Variants in FAM20A observed in about 807,000 individuals in gnomAD.
FAM20A encodes pseudokinase FAM20A.
FAM20A carries 42 observed loss-of-function variants against 52.0 expected under a neutral mutation model. That is an observed-to-expected ratio of 0.81 (90% confidence interval 0.63 to 1.04). The LOEUF (loss-of-function observed/expected upper bound fraction) is 1.04. FAM20A is among the 50% of genes least tolerant of loss of function. The pLI, the probability that FAM20A is intolerant of heterozygous loss-of-function variation, is 0.00. For synonymous variants in FAM20A, 304 were observed against 298.9 expected (o/e 1.02, Z -0.18); for missense variants, 742 against 712.7 (o/e 1.04, Z -0.47).
chr17:68,554,055 C>CACAT lies in FAM20A; in HGVS notation c.640+718_640+721dup, dbSNP rs1343041147. 3.7e-4 allele frequency among the ~76,000 whole-genome samples: 47 copies of CACAT among 128,188 alleles called. 1 individual carries two copies. The highest frequency in any genetic ancestry group is 1.6e-3 in the African/African-American group (40 of 25,364). 84.1% of individuals were successfully genotyped at this position (128,188 alleles called of 152,430 possible). On this transcript the variant is annotated intron_variant, in intron 3 of 10. Coordinates refer to ENST00000592554, the MANE Select transcript of FAM20A (RefSeq NM_017565.4). ...ACACACATGCATATATACACATATA[C>CACAT]ACATATACACACATATACACACATA...
intron 1 of FAM20A, among the ~76,000 whole-genome samples, chr17:68,597,285 T>TTGGCTTATTTTATTCTC (rs1317128488): frequency 6.6e-6 from 1 of 152,080 alleles, no homozygotes; most frequent in Non-Finnish European, 1.5e-5. Flanking sequence ...GAACACTGAT[T>TTGGCTTATTTTATTCTC]TGGCTTATTT....
intron 4 of FAM20A, among the ~76,000 whole-genome samples, chr17:68,550,897 T>A (rs542852176): frequency 6.6e-6 from 1 of 152,348 alleles, no homozygotes; most frequent in African/African-American, 2.4e-5. Flanking sequence ...AAACTCTTTA[T>A]TCGGTGCTTA....
intron 1 of FAM20A, among the ~76,000 whole-genome samples, chr17:68,598,983 T>G (rs1424751090): frequency 6.6e-6 from 1 of 152,234 alleles, no homozygotes; most frequent in Non-Finnish European, 1.5e-5. Flanking sequence ...CTTTTATTAC[T>G]GCACACAGTT....
At chr17:68,539,844 T>C in intron 9 of FAM20A, 41 bp downstream of exon 9, 1 of 1,594,650 alleles carries the variant, frequency 6.3e-7, no homozygotes. Flanking sequence ...GAGCAGCACA[T>C]CTGGGAGAGG....
At chr17:68,547,807 C>T (rs942719424) in intron 4 of FAM20A, among the ~76,000 whole-genome samples, 6 of 152,200 alleles carry the variant, frequency 3.9e-5, no homozygotes, top group East Asian at 3.8e-4. Context: ...AGTGGAGCAG[C>T]GCTTTTAGCT....
chr17:68,558,341 G>A, intron 1 of FAM20A: 2 of 444,788 alleles, frequency 4.5e-6, no homozygotes, highest in Non-Finnish European at 9.0e-6. Context: ...ATCAGATATG[G>A]TTTGGATGTT....
chr17:68,581,096 C>T lies in FAM20A; in HGVS notation c.404+19167G>A, dbSNP rs2087931500. On this transcript the variant is annotated intron_variant, in intron 1 of 10. Coordinates refer to ENST00000592554, the MANE Select transcript of FAM20A (RefSeq NM_017565.4). ...TGGATAACTTTTAAAACGTCTGATG[C>T]TTATTGCCAACTTGCCCTCCAGAAA... Among the ~76,000 whole-genome samples, 5 of 152,180 alleles carry T rather than the reference C, an allele frequency of 3.3e-5. No homozygotes were observed. In the South Asian group the frequency reaches 1.0e-3, roughly 31 times the overall value.
rs376199570 is a variant in FAM20A, at chr17:68,586,263, A to G, written c.404+14000T>C. On this transcript the variant is annotated intron_variant, in intron 1 of 10. Transcript: ENST00000592554. ...ATAAAGATATAGGTATAGATAATCTACTAGATAATCTTTTATCTAAAAGAT... is the reference window on the plus strand; with the variant it reads ...ATAAAGATATAGGTATAGATAATCTGCTAGATAATCTTTTATCTAAAAGAT... Among the ~76,000 whole-genome samples, 11 of 152,240 alleles carry G rather than the reference A, an allele frequency of 7.2e-5. No homozygotes were observed. The South Asian group carries it at 2.1e-3, about 29-fold the overall frequency.
At chr17:68,541,138 G>A (rs1287746682) in intron 7 of FAM20A, 180 bp from the exon 8 acceptor site, 7 of 807,560 alleles carry the variant, frequency 8.7e-6, no homozygotes, top group African/African-American at 6.9e-5. Flanking sequence ...TATTCCGTGT[G>A]GTGAGAAGGT....
chr17:68,536,161 C>G lies in FAM20A; in HGVS notation c.*1316G>C. ...GTGTTATTTGTCCAGTCGAGGCTAT[C>G]TTTGCTCACACTGCAGAAAGCTTGG... On this transcript the variant is annotated 3_prime_UTR_variant, in exon 11 of 11. Coordinates refer to ENST00000592554, the MANE Select transcript of FAM20A (RefSeq NM_017565.4). The G allele has an allele frequency of 2.2e-6, 1 of 454,108 alleles. No homozygotes were observed. Among genetic ancestry groups the G allele is most frequent in the South Asian group, 1.6e-5 (1 of 64,480 alleles). The allele number at this position is 454,108 out of a possible 1,614,324, so 28.1% of individuals were successfully genotyped here. A position where few individuals can be genotyped will look rare whatever the true frequency, so the allele number is the denominator to read the frequency against.
chr17:68,541,833 C>G, intron 7 of FAM20A, 152 bp downstream of exon 7: 1 of 908,740 alleles, frequency 1.1e-6, no homozygotes, highest in South Asian at 1.7e-5. Flanking sequence ...AGAACAGACC[C>G]AGGCCTGCTG....
Position 68,537,727 on chromosome 17 carries a change from GTTTTC to G in FAM20A, c.1371_1375del (p.Lys457AsnfsTer12), listed in dbSNP as rs1276298347. The G allele has an allele frequency of 6.2e-7, 1 of 1,611,892 alleles. No homozygotes were observed. The highest frequency in any genetic ancestry group is 8.5e-7 in the Non-Finnish European group (1 of 1,178,940). On this transcript the variant is annotated frameshift_variant, in exon 11 of 11. Transcript: ENST00000592554. LOFTEE classifies it low-confidence loss of function (END_TRUNC). The surrounding 1 kb of genome is among the most constrained non-coding windows in gnomAD (Gnocchi z 4.2). Reference sequence around the variant, plus strand: ...GGCCAGCAGCTGCAGGTGCAAAAGTGTTTTCTTTTTTATCCTGAAAAGACAAAGTT... The same window carrying G: ...GGCCAGCAGCTGCAGGTGCAAAAGTGTTTTTTATCCTGAAAAGACAAAGTT...
At chr17:68,577,311 G>T (rs2087800864) in intron 1 of FAM20A, among the ~76,000 whole-genome samples, 1 of 152,250 alleles carries the variant, frequency 6.6e-6, no homozygotes, top group Admixed American at 6.5e-5. Flanking sequence ...AAATATTAAA[G>T]CTGGACTGCG....
intron 1 of FAM20A, among the ~76,000 whole-genome samples, chr17:68,595,085 T>C (rs746781102): frequency 2.3e-4 from 35 of 152,262 alleles, no homozygotes; most frequent in African/African-American, 7.0e-4. Flanking sequence ...AATAAGTGTA[T>C]GTAATGTGCC....
chr17:68,542,782 T>C lies in FAM20A; in HGVS notation c.840A>G (p.Pro280=). ...TGACATTTACTATCCTCCCCACTGT[T>C]GGCGGCACCCGTCGGAAGTCCAGAA... ...DRILDFRRVP[P]TVGRIVNVTK... The change falls in exon 6 of 11, where the codon CCA becomes CCG. Residue 280 remains proline, a synonymous_variant. Coordinates refer to ENST00000592554, the MANE Select transcript of FAM20A (RefSeq NM_017565.4). The C allele has an allele frequency of 1.9e-6, 3 of 1,614,154 alleles. No homozygotes were observed. The highest frequency in any genetic ancestry group is 2.5e-6 in the Non-Finnish European group (3 of 1,179,996).
Position 68,535,660 on chromosome 17 carries a change from T to TA in FAM20A, c.*1816dup, listed in dbSNP as rs754252287. 110 of 447,534 alleles carry TA rather than the reference T, an allele frequency of 2.5e-4. No homozygotes were observed. The highest frequency in any genetic ancestry group is 1.7e-3 in the African/African-American group (86 of 49,226). The allele number at this position is 447,534 out of a possible 1,614,324, so 27.7% of individuals were successfully genotyped here. On this transcript the variant is annotated 3_prime_UTR_variant, in exon 11 of 11. Transcript: ENST00000592554. ...AGGTTTCTCTGTTAAAGAGTTGATT[T>TA]AAAAAAAAATTTTTTTTTTTTTGTA...
At chr17:68,580,290 G>T (rs1460132774) in intron 1 of FAM20A, among the ~76,000 whole-genome samples, 1 of 152,242 alleles carries the variant, frequency 6.6e-6, no homozygotes, top group East Asian at 1.9e-4. Context: ...CACAGAACCT[G>T]ATTAACTGTT....
At chr17:68,575,791 TACACAC>T (rs761949775) in intron 1 of FAM20A, among the ~76,000 whole-genome samples, 102 of 104,214 alleles carry the variant, frequency 9.8e-4, no homozygotes, top group African/African-American at 3.2e-3. Flanking sequence ...TTTTATATTA[TACACAC>T]ACACACACAC....
intron 4 of FAM20A, among the ~76,000 whole-genome samples, chr17:68,546,605 C>T (rs140932861): frequency 2.3e-4 from 35 of 151,030 alleles, no homozygotes; most frequent in Non-Finnish European, 3.7e-4. Context: ...CCGAGGCGGG[C>T]GGATCACGAG....
Sources: gnomAD v4.1 joint callset for allele counts (sites outside exome capture counted in the v4.1 genomes callset) on GRCh38, gnomAD v4.1.1 for gene constraint, Gnocchi (gnomAD v3.1) non-coding constraint, MANE v1.5 for transcripts, NCBI Gene and HGNC (gene_info 2026-07-23, HGNC 2026-07-21) for gene names.